CTNNA3: variants seen among roughly 807,000 people sequenced by gnomAD.
The protein encoded by CTNNA3 is catenin alpha-3.
A neutral mutation model predicts 95.7 loss-of-function variants in CTNNA3; 76 were observed. The observed-to-expected ratio is 0.79, with a 90% CI of 0.66 to 0.96. The LOEUF is 0.96. Among genes scored for constraint, CTNNA3 ranks in the 40% least tolerant of loss-of-function variants. The pLI is 0.00. For synonymous variants in CTNNA3, 431 were observed against 374.4 expected (o/e 1.15, Z -1.74); for missense variants, 1,191 against 1,089.8 (o/e 1.09, Z -1.31).
At chr10:67,585,389 TG>T (rs1164333331) in intron 3 of CTNNA3, among the ~76,000 whole-genome samples, 18 of 152,332 alleles carry the variant, frequency 1.2e-4, no homozygotes, top group Admixed American at 9.8e-4. Flanking sequence ...CTCAATTTTT[TG>T]TAAAAGTTTC....
chr10:67,367,073 A>G (rs971497981), intron 5 of CTNNA3, among the ~76,000 whole-genome samples: 3 of 152,192 alleles, frequency 2.0e-5, no homozygotes, highest in African/African-American at 7.2e-5. Flanking sequence ...TGCAACAAAA[A>G]TGAAAAAGTG....
At chr10:66,914,130 C>CTTT (rs3056545) in intron 7 of CTNNA3, among the ~76,000 whole-genome samples, 2,389 of 120,234 alleles carry the variant, frequency 0.02, 82 homozygotes, top group Non-Finnish European at 0.026. Context: ...AGGGTGCCTT[C>CTTT]TTTTTTTTTT....
chr10:65,952,547 A>AT (rs889743967), intron 17 of CTNNA3, among the ~76,000 whole-genome samples: 7 of 123,814 alleles, frequency 5.7e-5, no homozygotes, highest in East Asian at 6.1e-4. Context: ...TAATTTTCCA[A>AT]TTTTTTTTTA....
chr10:67,194,007 T>A (rs1863238337), intron 6 of CTNNA3, among the ~76,000 whole-genome samples: 1 of 152,102 alleles, frequency 6.6e-6, no homozygotes, highest in Non-Finnish European at 1.5e-5. Context: ...CTAGCCTTTC[T>A]GACTGGTGTG....
intron 13 of CTNNA3, among the ~76,000 whole-genome samples, chr10:66,267,429 A>G (rs887677837): frequency 2.6e-5 from 4 of 152,210 alleles, no homozygotes; most frequent in Middle Eastern, 3.4e-3. Context: ...AATTTTCTCC[A>G]TGGCAGAATT....
At chr10:66,987,079 C>T (rs553116411) in intron 7 of CTNNA3, among the ~76,000 whole-genome samples, 49 of 152,222 alleles carry the variant, frequency 3.2e-4, no homozygotes, top group African/African-American at 1.1e-3. Context: ...GCAAAAGTCC[C>T]GACGTGAAGT....
At chr10:66,601,705 G>A (rs192311300) in intron 10 of CTNNA3, among the ~76,000 whole-genome samples, 3 of 151,856 alleles carry the variant, frequency 2.0e-5, no homozygotes, top group East Asian at 3.9e-4. Flanking sequence ...GCTAACAAAC[G>A]CAGCCTTAGA....
intron 5 of CTNNA3, among the ~76,000 whole-genome samples, chr10:67,237,171 T>TAC (rs1865523537): frequency 6.9e-5 from 8 of 115,336 alleles, no homozygotes; most frequent in African/African-American, 2.4e-4. Flanking sequence ...TATATATATA[T>TAC]ATACACACAC....
chr10:67,669,459 A>G (rs1400077995), intron 1 of CTNNA3, among the ~76,000 whole-genome samples: 1 of 152,212 alleles, frequency 6.6e-6, no homozygotes, highest in Non-Finnish European at 1.5e-5. Flanking sequence ...GAAGAATATG[A>G]TGAGAAGAAA....
chr10:66,444,271 C>T lies in CTNNA3; in HGVS notation c.1532-64919G>A, dbSNP rs1564969073. ...CTCTGCAGGATATTATCCAGGAGAA[C>T]TTCCCCAGTCTAGCAAGGCAGGCCA... On this transcript the variant is annotated intron_variant, in intron 11 of 17. Transcript: ENST00000433211. Among the ~76,000 whole-genome samples the T allele has an allele frequency of 2.0e-5, 3 of 152,120 alleles. No homozygotes were observed. The East Asian group carries it at 5.8e-4, about 29-fold the overall frequency.
At chr10:67,615,804 A>G (rs893851350) in intron 2 of CTNNA3, among the ~76,000 whole-genome samples, 1 of 151,880 alleles carries the variant, frequency 6.6e-6, no homozygotes, top group Non-Finnish European at 1.5e-5. Context: ...CTGGCATTAC[A>G]GGTGCCTGTC....
At chr10:67,138,766 T>C (rs570761208) in intron 7 of CTNNA3, among the ~76,000 whole-genome samples, 1 of 152,316 alleles carries the variant, frequency 6.6e-6, no homozygotes, top group East Asian at 1.9e-4. Flanking sequence ...AGTGGCCTTA[T>C]TGTTATTGTT....
At chr10:67,590,060 CTCTA>C (rs1262045766) in intron 3 of CTNNA3, among the ~76,000 whole-genome samples, 1 of 152,034 alleles carries the variant, frequency 6.6e-6, no homozygotes, top group African/African-American at 2.4e-5. Context: ...ATACATTTTT[CTCTA>C]TCTTAGAAAA....
intron 7 of CTNNA3, among the ~76,000 whole-genome samples, chr10:66,850,940 T>A (rs2132380228): frequency 6.6e-6 from 1 of 152,278 alleles, no homozygotes; most frequent in South Asian, 2.1e-4. Context: ...TCACACTTTC[T>A]AAGGCCATTT....
chr10:66,278,415 A>T (rs996871698), intron 13 of CTNNA3, among the ~76,000 whole-genome samples: 7 of 151,826 alleles, frequency 4.6e-5, no homozygotes, highest in Admixed American at 1.3e-4. Flanking sequence ...CAAAATACTA[A>T]ATTTTTCTTA....
At chr10:67,182,236 A>C (rs944908964) in intron 6 of CTNNA3, among the ~76,000 whole-genome samples, 3 of 152,200 alleles carry the variant, frequency 2.0e-5, no homozygotes, top group Non-Finnish European at 4.4e-5. Context: ...TCAGCAAGTC[A>C]ATCCTAAGCC....
intron 6 of CTNNA3, among the ~76,000 whole-genome samples, chr10:67,186,372 T>C (rs1486741384): frequency 6.6e-6 from 1 of 152,202 alleles, no homozygotes; most frequent in African/African-American, 2.4e-5. Flanking sequence ...GGTTCATTCC[T>C]CAAACTATCT....
At chr10:66,083,771 C>T (rs540202975) in intron 14 of CTNNA3, among the ~76,000 whole-genome samples, 12 of 152,022 alleles carry the variant, frequency 7.9e-5, no homozygotes, top group Non-Finnish European at 1.6e-4. Flanking sequence ...GTAGCCAAGT[C>T]CTACAGAGGC....
intron 9 of CTNNA3, among the ~76,000 whole-genome samples, chr10:66,671,972 C>T (rs746270511): frequency 3.3e-4 from 50 of 152,122 alleles, no homozygotes; most frequent in Admixed American, 8.5e-4. Flanking sequence ...GAAGTGATGT[C>T]CAATGTTAGG....
Sources: gnomAD v4.1 joint callset for allele counts (sites outside exome capture counted in the v4.1 genomes callset) on GRCh38, gnomAD v4.1.1 for gene constraint, MANE v1.5 for transcripts, NCBI Gene and HGNC (gene_info 2026-07-23, HGNC 2026-07-21) for gene names.